The following EPHA6 variants were observed in gnomAD, a reference collection of about 807,000 sequenced individuals.
EPHA6 encodes ephrin type-A receptor 6.
Under a neutral mutation model 112.0 loss-of-function variants are expected in EPHA6, and 50 were observed. The ratio of observed to expected loss-of-function variants is 0.45; its 90% CI spans 0.36 to 0.56. EPHA6 has a LOEUF of 0.56. Ranked by LOEUF, EPHA6 falls within the 20% of genes least tolerant of loss-of-function variation. EPHA6 has a pLI of 0.00. For missense variants in EPHA6, 1,280 were observed against 1,417.4 expected (o/e 0.90, Z 1.56); for synonymous variants, 529 against 490.7 (o/e 1.08, Z -1.03).
intron 3 of EPHA6, among the ~76,000 whole-genome samples, chr3:97,055,082 A>G (rs1019439055): frequency 1.3e-5 from 2 of 152,156 alleles, no homozygotes; most frequent in African/African-American, 2.4e-5. Flanking sequence ...GTTGCAGACT[A>G]ACTCTTTAAA....
chr3:97,616,197 G>A (rs1178038414), intron 13 of EPHA6, among the ~76,000 whole-genome samples: 5 of 152,140 alleles, frequency 3.3e-5, no homozygotes, highest in African/African-American at 1.2e-4. Context: ...AGGCACTGGA[G>A]CAGACCCCCA....
chr3:97,076,056 C>A (rs956641885), intron 3 of EPHA6, among the ~76,000 whole-genome samples: 12 of 152,008 alleles, frequency 7.9e-5, no homozygotes, highest in African/African-American at 2.9e-4. Flanking sequence ...CAATTAATTA[C>A]CCTACAGTGG....
At chr3:97,251,020 C>G (rs780713181) in intron 5 of EPHA6, among the ~76,000 whole-genome samples, 7 of 151,882 alleles carry the variant, frequency 4.6e-5, no homozygotes, top group Non-Finnish European at 8.8e-5. Flanking sequence ...TGCCCACCAC[C>G]ATGCCTAGCT....
chr3:97,596,811 G>A, intron 12 of EPHA6, among the ~76,000 whole-genome samples: 1 of 91,854 alleles, frequency 1.1e-5, no homozygotes, highest in Non-Finnish European at 2.2e-5. Context: ...TATATATATG[G>A]GTTATGTTAG....
At chr3:97,379,224 G>T (rs538392940) in intron 5 of EPHA6, among the ~76,000 whole-genome samples, 2 of 152,178 alleles carry the variant, frequency 1.3e-5, no homozygotes, top group African/African-American at 4.8e-5. Flanking sequence ...CTCCCATCAT[G>T]ATTCTGAGGA....
intron 2 of EPHA6, among the ~76,000 whole-genome samples, chr3:96,923,428 A>T (rs532678727): frequency 4.0e-5 from 6 of 151,386 alleles, no homozygotes; most frequent in Admixed American, 6.6e-5. Context: ...TGTTGACTGC[A>T]TGCATGTCTT....
chr3:97,378,418 G>A (rs60300039), intron 5 of EPHA6, among the ~76,000 whole-genome samples: 2,372 of 152,304 alleles, frequency 0.016, 58 homozygotes, highest in African/African-American at 0.048. Flanking sequence ...ATGTGGGGTC[G>A]GAGCCCCCAC....
At chr3:97,655,092 T>C (rs2094129911) in intron 14 of EPHA6, among the ~76,000 whole-genome samples, 1 of 147,982 alleles carries the variant, frequency 6.8e-6, no homozygotes, top group Admixed American at 6.8e-5. Flanking sequence ...AATATATATA[T>C]TATATGTTAT....
At chr3:97,646,724 C>T (rs1019340243) in intron 14 of EPHA6, among the ~76,000 whole-genome samples, 3 of 152,132 alleles carry the variant, frequency 2.0e-5, no homozygotes, top group African/African-American at 7.2e-5. Context: ...GTCCACCATG[C>T]ACTGGGTACC....
intron 2 of EPHA6, among the ~76,000 whole-genome samples, chr3:96,900,818 A>C (rs2038565382): frequency 6.6e-6 from 1 of 152,230 alleles, no homozygotes; most frequent in Non-Finnish European, 1.5e-5. Context: ...GGAGGACAGG[A>C]GGAAACATTT....
chr3:97,302,262 T>G (rs562600638), intron 5 of EPHA6, among the ~76,000 whole-genome samples: 10 of 152,168 alleles, frequency 6.6e-5, no homozygotes, highest in African/African-American at 2.4e-4. Flanking sequence ...GAATTTAGTA[T>G]GATGGTTTTC....
intron 2 of EPHA6, among the ~76,000 whole-genome samples, chr3:96,923,000 A>G (rs2039851798): frequency 6.6e-6 from 1 of 152,180 alleles, no homozygotes. Flanking sequence ...ATAGTATTCC[A>G]TTGTGAATAT....
At chr3:97,678,996 T>A (rs1413783919) in intron 14 of EPHA6, among the ~76,000 whole-genome samples, 1 of 152,218 alleles carries the variant, frequency 6.6e-6, no homozygotes, top group Non-Finnish European at 1.5e-5. Context: ...GATAACTATA[T>A]GCTTAGTGTT....
At chr3:97,665,785 C>T (rs945911110) in intron 14 of EPHA6, among the ~76,000 whole-genome samples, 5 of 152,180 alleles carry the variant, frequency 3.3e-5, no homozygotes, top group Non-Finnish European at 5.9e-5. Context: ...TGGCCAGGCG[C>T]GGTGGGTCAC....
At chr3:97,484,121 C>A in intron 10 of EPHA6, 62 bp downstream of exon 10, 3 of 1,478,788 alleles carry the variant, frequency 2.0e-6, no homozygotes, top group Non-Finnish European at 2.7e-6. Flanking sequence ...ACTGGTTTAT[C>A]AACATACTAT....
At chr3:97,417,341 A>G (rs2088207669) in intron 6 of EPHA6, among the ~76,000 whole-genome samples, 1 of 152,112 alleles carries the variant, frequency 6.6e-6, no homozygotes, top group South Asian at 2.1e-4. Context: ...CACTGTAATC[A>G]TTCAATAAAA....
chr3:97,756,947 G>A lies in EPHA6; in HGVS notation c.*8246G>A, dbSNP rs939552771. 6.6e-6 allele frequency among the ~76,000 whole-genome samples: 1 copy of A among 151,674 alleles called. No homozygotes were observed. The highest frequency in any genetic ancestry group is 2.4e-5 in the African/African-American group (1 of 41,372). ...CATAATCATACTTATTTTTAATTTT[G>A]TGTACAGTGAAAACTTTGACAGTTT... On this transcript the variant is annotated 3_prime_UTR_variant, in exon 18 of 18. Coordinates refer to ENST00000389672, the MANE Select transcript of EPHA6 (RefSeq NM_001080448.3).
At chr3:97,697,981 G>C (rs1185980797) in intron 14 of EPHA6, among the ~76,000 whole-genome samples, 1 of 152,168 alleles carries the variant, frequency 6.6e-6, no homozygotes, top group Admixed American at 6.5e-5. Context: ...ATTAAAAGTA[G>C]ATAGCCAATG....
intron 11 of EPHA6, among the ~76,000 whole-genome samples, chr3:97,554,408 A>T (rs1375550010): frequency 6.6e-6 from 1 of 152,106 alleles, no homozygotes; most frequent in Non-Finnish European, 1.5e-5. Flanking sequence ...ATGCTATGCA[A>T]GTTAGTTGCA....
Sources: gnomAD v4.1 joint callset for allele counts (sites outside exome capture counted in the v4.1 genomes callset) on GRCh38, gnomAD v4.1.1 for gene constraint, MANE v1.5 for transcripts, NCBI Gene and HGNC (gene_info 2026-07-23, HGNC 2026-07-21) for gene names.